Variants in ZNF385D observed in about 807,000 individuals in gnomAD.
The protein encoded by ZNF385D is zinc finger protein 659.
A neutral mutation model predicts 35.8 loss-of-function variants in ZNF385D; 15 were observed. That is an observed-to-expected ratio of 0.42 (90% CI 0.28 to 0.64). ZNF385D has a LOEUF of 0.64. ZNF385D is among the 30% of genes least tolerant of loss of function. The pLI, the probability that ZNF385D is intolerant of heterozygous loss-of-function variation, is 0.23. For synonymous variants in ZNF385D, 212 were observed against 186.8 expected, an observed-to-expected ratio of 1.13 and a Z score of -1.10; for missense variants, 474 against 494.6, an observed-to-expected ratio of 0.96 and a Z score of 0.39.
chr3:21,657,283 G>C (rs1420338186), intron 2 of ZNF385D, among the ~76,000 whole-genome samples: 1 of 151,902 alleles, frequency 6.6e-6, no homozygotes, highest in Non-Finnish European at 1.5e-5. Flanking sequence ...CCTATTCAAA[G>C]AGTAAACAAG....
At chr3:21,701,635 AT>A (rs1459682263) in intron 1 of ZNF385D, among the ~76,000 whole-genome samples, 1 of 152,186 alleles carries the variant, frequency 6.6e-6, no homozygotes, top group African/African-American at 2.4e-5. Flanking sequence ...CCAAAGTCTC[AT>A]CTGAGACAAA....
chr3:22,065,618 T>C (rs559460021), intron 3 of ZNF385D, among the ~76,000 whole-genome samples: 11 of 152,244 alleles, frequency 7.2e-5, no homozygotes, highest in Admixed American at 2.0e-4. Context: ...AGGAAAGGAC[T>C]GAGTGTGTGG....
At chr3:22,164,715 C>G (rs1475052543) in intron 3 of ZNF385D, among the ~76,000 whole-genome samples, 6 of 150,982 alleles carry the variant, frequency 4.0e-5, no homozygotes, top group Admixed American at 3.3e-4. Context: ...TTAATTACAA[C>G]ACCCTTTCAC....
chr3:21,717,940 G>T (rs2068388702), intron 1 of ZNF385D, among the ~76,000 whole-genome samples: 1 of 152,180 alleles, frequency 6.6e-6, no homozygotes, highest in African/African-American at 2.4e-5. Flanking sequence ...ATTCTCGTCT[G>T]CATCAGATTC....
At chr3:22,097,053 G>A (rs1181702969) in intron 3 of ZNF385D, among the ~76,000 whole-genome samples, 1 of 152,098 alleles carries the variant, frequency 6.6e-6, no homozygotes, top group Admixed American at 6.6e-5. Context: ...CTAGGAGAAA[G>A]TGACTGCATT....
intron 2 of ZNF385D, among the ~76,000 whole-genome samples, chr3:22,223,438 T>C (rs1029889190): frequency 6.6e-6 from 1 of 152,130 alleles, no homozygotes; most frequent in Admixed American, 6.6e-5. Flanking sequence ...ACGTACTTGC[T>C]GAACAATATG....
At chr3:21,964,029 C>A (rs190777561) in intron 3 of ZNF385D, among the ~76,000 whole-genome samples, 1 of 152,072 alleles carries the variant, frequency 6.6e-6, no homozygotes, top group East Asian at 1.9e-4. Flanking sequence ...CATTTAATTG[C>A]GGGCAAAGTA....
At chr3:21,983,164 ATTATTTT>A (rs1694598764) in intron 3 of ZNF385D, among the ~76,000 whole-genome samples, 4 of 62,480 alleles carry the variant, frequency 6.4e-5, no homozygotes, top group African/African-American at 3.5e-4. Flanking sequence ...ATTTTATTTT[ATTATTTT>A]TTTTTATTAT....
chr3:22,299,450 A>G (rs530167694), intron 2 of ZNF385D, among the ~76,000 whole-genome samples: 1 of 151,938 alleles, frequency 6.6e-6, no homozygotes, highest in Non-Finnish European at 1.5e-5. Flanking sequence ...TAACTATAAA[A>G]CAAATCATAA....
chr3:21,619,978 C>T (rs1481648374), intron 2 of ZNF385D, among the ~76,000 whole-genome samples: 5 of 152,082 alleles, frequency 3.3e-5, no homozygotes, highest in African/African-American at 1.2e-4. Context: ...AGGGTACTGA[C>T]ACAGCCCTCT....
At chr3:21,693,648 T>C (rs1387702692) in intron 1 of ZNF385D, among the ~76,000 whole-genome samples, 1 of 152,162 alleles carries the variant, frequency 6.6e-6, no homozygotes, top group Non-Finnish European at 1.5e-5. Flanking sequence ...AAAGTATATG[T>C]CCTTTGTAAA....
At chr3:21,641,045 ACTGT>A (rs2065590262) in intron 2 of ZNF385D, among the ~76,000 whole-genome samples, 1 of 152,046 alleles carries the variant, frequency 6.6e-6, no homozygotes, top group Admixed American at 6.6e-5. Flanking sequence ...CATAACCAAG[ACTGT>A]CTGGATGCCC....
At chr3:21,602,784 C>G (rs1469717590) in intron 2 of ZNF385D, among the ~76,000 whole-genome samples, 2 of 151,776 alleles carry the variant, frequency 1.3e-5, no homozygotes, top group Non-Finnish European at 2.9e-5. Context: ...CCACCCGCCT[C>G]GGCCTCCCAA....
At chr3:21,784,048 A>T (rs558160265) in intron 3 of ZNF385D, among the ~76,000 whole-genome samples, 2 of 152,144 alleles carry the variant, frequency 1.3e-5, no homozygotes, top group Non-Finnish European at 2.9e-5. Context: ...AGACTAATTC[A>T]GCAGGCAGTC....
At chr3:22,070,069 T>C (rs1386701583) in intron 3 of ZNF385D, among the ~76,000 whole-genome samples, 1 of 152,202 alleles carries the variant, frequency 6.6e-6, no homozygotes. Flanking sequence ...ACATTGAAAA[T>C]GGCCCTTTCC....
At chr3:22,313,023 G>A (rs1183791792) in intron 2 of ZNF385D, among the ~76,000 whole-genome samples, 1 of 151,754 alleles carries the variant, frequency 6.6e-6, no homozygotes, top group Non-Finnish European at 1.5e-5. Context: ...CGATAGACTG[G>A]ATTAAGAAAA....
chr3:22,210,769 T>C (rs1418350966), intron 2 of ZNF385D, among the ~76,000 whole-genome samples: 3 of 151,866 alleles, frequency 2.0e-5, no homozygotes, highest in Non-Finnish European at 4.4e-5. Context: ...GTTCTAGCCA[T>C]ATGGAACAAG....
At chr3:21,817,941 G>A (rs1559653534) in intron 3 of ZNF385D, among the ~76,000 whole-genome samples, 1 of 152,166 alleles carries the variant, frequency 6.6e-6, no homozygotes, top group Non-Finnish European at 1.5e-5. Flanking sequence ...ATGTCCATCA[G>A]TGACAGACTG....
chr3:22,318,090 G>A (rs529169148), intron 2 of ZNF385D, among the ~76,000 whole-genome samples: 1 of 152,048 alleles, frequency 6.6e-6, no homozygotes, highest in East Asian at 1.9e-4. Context: ...GAATTAGAGT[G>A]CCAGTACATG....
Sources: gnomAD v4.1 joint callset for allele counts (sites outside exome capture counted in the v4.1 genomes callset) on GRCh38, gnomAD v4.1.1 for gene constraint, MANE v1.5 for transcripts, NCBI Gene and HGNC (gene_info 2026-07-23, HGNC 2026-07-21) for gene names.